SLC33A1: variants seen among roughly 807,000 people sequenced by gnomAD.
SLC33A1 encodes the protein solute carrier family 33 member 1, also known as acetyl-coenzyme A transporter 1.
In SLC33A1, 20 loss-of-function variants were observed where a neutral mutation model predicts 50.0. The ratio of observed to expected loss-of-function variants is 0.40; its 90% CI spans 0.28 to 0.58. The LOEUF is 0.58. Among genes scored for constraint, SLC33A1 ranks in the 20% least tolerant of loss-of-function variants. The probability of loss-of-function intolerance (pLI) is 0.44; values close to 1 mark genes in which losing one functional copy is unlikely to be tolerated. For missense variants in SLC33A1, 476 were observed against 657.0 expected, an observed-to-expected ratio of 0.72 and a Z score of 3.01; for synonymous variants, 265 against 251.8, an observed-to-expected ratio of 1.05 and a Z score of -0.50.
rs1752181583 is a variant in SLC33A1, at chr3:155,825,706, T to A, written c.*2504A>T. On this transcript the variant is annotated 3_prime_UTR_variant, in exon 6 of 6. Coordinates refer to ENST00000643144, the MANE Select transcript of SLC33A1 (RefSeq NM_004733.4). ...CTGACATAGAGAGAAAAATGTTCAATCTAATATTAGCCAGTAAACATATGA... is the reference window on the plus strand; with the variant it reads ...CTGACATAGAGAGAAAAATGTTCAAACTAATATTAGCCAGTAAACATATGA... 1 of 152,184 alleles carries A rather than the reference T, an allele frequency of 6.6e-6. No individual in the cohort carries two copies. The highest frequency in any genetic ancestry group is 2.4e-5 in the African/African-American group (1 of 41,448). 9.4% of individuals were successfully genotyped at this position (152,184 alleles called of 1,614,324 possible). A position where few individuals can be genotyped will look rare whatever the true frequency, so the allele number is the denominator to read the frequency against.
chr3:155,842,759 A>C, intron 1 of SLC33A1, 140 bp from the exon 2 acceptor site: 1 of 511,122 alleles, frequency 2.0e-6, no homozygotes, highest in Non-Finnish European at 3.3e-6. Flanking sequence ...CTGTAATCCT[A>C]GCACTTTGGG....
rs886058104 is a variant in SLC33A1, at chr3:155,827,341, C to T, written c.*869G>A. The T allele has an allele frequency of 7.9e-5, 12 of 151,824 alleles. No homozygotes were observed. In the East Asian group the frequency reaches 2.1e-3, roughly 27 times the overall value. The allele number at this position is 151,824 out of a possible 1,614,324, so 9.4% of individuals were successfully genotyped here. A position where few individuals can be genotyped will look rare whatever the true frequency, so the allele number is the denominator to read the frequency against. On this transcript the variant is annotated 3_prime_UTR_variant, in exon 6 of 6. Coordinates refer to ENST00000643144, the MANE Select transcript of SLC33A1 (RefSeq NM_004733.4). ...TAAAAAAAAACTACTTGAAGAAAAA[C>T]ATTTAATTTTTATTTTCAAAATGTT...
At chr3:155,835,038 C>G (rs73159037) in intron 2 of SLC33A1, among the ~76,000 whole-genome samples, 20,574 of 152,048 alleles carry the variant, frequency 0.14, 1,791 homozygotes, top group Non-Finnish European at 0.18. Context: ...TGGATATGGA[C>G]TATAATTAGA....
chr3:155,837,754 T>C (rs572921247), intron 2 of SLC33A1, among the ~76,000 whole-genome samples: 2 of 152,150 alleles, frequency 1.3e-5, no homozygotes, highest in African/African-American at 2.4e-5. Flanking sequence ...AAAGAACATA[T>C]GCATCAAACA....
At chr3:155,831,517 T>TA (rs1752435746) in intron 4 of SLC33A1, among the ~76,000 whole-genome samples, 1 of 131,778 alleles carries the variant, frequency 7.6e-6, no homozygotes, top group Non-Finnish European at 1.6e-5. Flanking sequence ...ATTAAGGCAC[T>TA]ACTTACAGAA....
chr3:155,833,459 C>T lies in SLC33A1; in HGVS notation c.1266+9G>A. On this transcript the variant is annotated intron_variant, in intron 4 of 5. Transcript: ENST00000643144. ...AGTTTATTTCCTGAGAAAACCACTG[C>T]AAGCTTACCTGATGTAAAGCATAAC... 7.8e-7 allele frequency: 1 copy of T among 1,286,614 alleles called. No individual in the cohort carries two copies. Among genetic ancestry groups the T allele is most frequent in the Non-Finnish European group, 1.1e-6 (1 of 881,080 alleles). The allele number at this position is 1,286,614 out of a possible 1,614,324, so 79.7% of individuals were successfully genotyped here. A position where few individuals can be genotyped will look rare whatever the true frequency, so the allele number is the denominator to read the frequency against.
intron 4 of SLC33A1, 144 bp from the exon 5 acceptor site, chr3:155,830,047 T>G: frequency 1.5e-6 from 1 of 650,132 alleles, no homozygotes; most frequent in South Asian, 1.8e-5. Context: ...ATCAAGCACC[T>G]ACTATAGGCC....
chr3:155,838,548 G>A (rs1752795191), intron 2 of SLC33A1, among the ~76,000 whole-genome samples: 1 of 151,756 alleles, frequency 6.6e-6, no homozygotes, highest in African/African-American at 2.4e-5. Flanking sequence ...GGGTGTGGTG[G>A]TGCACACCTG....
rs766276756 is a variant in SLC33A1, at chr3:155,853,460, T to C, written c.538A>G (p.Thr180Ala). Reference protein sequence around the residue: ...DDRTPDVIALTVAFFLFEFLA... With the variant: ...DDRTPDVIALAVAFFLFEFLA... ...AATTCAAACAAAAAGAACGCCACAG[T>C]GAGAGCAATCACGTCGGGTGTTCTG... is the stretch of plus-strand genomic sequence containing the variant. Residue 180 changes from threonine (T) to alanine (A), a missense_variant, in exon 1 of 6, where the codon ACT becomes GCT. Transcript: ENST00000643144. The C allele has an allele frequency of 2.5e-6, 4 of 1,613,966 alleles. No individual in the cohort carries two copies. Among genetic ancestry groups the C allele is most frequent in the Non-Finnish European group, 3.4e-6 (4 of 1,180,018 alleles).
intron 2 of SLC33A1, 34 bp from the exon 3 acceptor site, chr3:155,834,075 G>T: frequency 7.6e-6 from 12 of 1,570,530 alleles, no homozygotes; most frequent in Non-Finnish European, 1.1e-5. Context: ...ATTTTAATTC[G>T]TGACTTATGA....
chr3:155,834,114 C>A, intron 2 of SLC33A1, 73 bp from the exon 3 acceptor site: 1 of 1,135,092 alleles, frequency 8.8e-7, no homozygotes, highest in South Asian at 1.3e-5. Context: ...TATGTAAGTT[C>A]TTCAAGAACC....
rs1371052745 is a variant in SLC33A1, at chr3:155,853,288, G to A, written c.710C>T (p.Ser237Phe). Residue 237 changes from serine (S) to phenylalanine (F), a missense_variant, in exon 1 of 6, where the codon TCT becomes TTT. Ser to Phe is a radical substitution (Grantham distance 155). Transcript: ENST00000643144. Reference protein sequence around the residue: ...LGNVLFLALESADFCNKYLRF... With the variant: ...LGNVLFLALEFADFCNKYLRF... The stretch of plus-strand genomic sequence containing the variant: ...CAAATATTTGTTACAAAAGTCGGCA[G>A]ATTCAAGGGCCAAAAACAAAACATT... 1 of 1,614,070 alleles carries A rather than the reference G, an allele frequency of 6.2e-7. No homozygotes were observed.
intron 2 of SLC33A1, among the ~76,000 whole-genome samples, chr3:155,840,191 G>A (rs1220565328): frequency 3.3e-5 from 5 of 151,148 alleles, no homozygotes; most frequent in South Asian, 2.1e-4. Context: ...GGGTTCCAGC[G>A]ATTCTCCTGC....
In SLC33A1 at chr3:155,825,397, C is replaced by G. The variant is rs1338925723; in HGVS notation, c.*2813G>C. On this transcript the variant is annotated 3_prime_UTR_variant, in exon 6 of 6. Transcript: ENST00000643144. ...TCTTGAACTCTTGACCTCAAGTGAT[C>G]CTCCTGCCTTGGCCTCCTAAAGTGT... 2.0e-5 allele frequency: 3 copies of G among 151,902 alleles called. No homozygotes were observed. Among genetic ancestry groups the G allele is most frequent in the African/African-American group, 7.3e-5 (3 of 41,332 alleles). The allele number at this position is 151,902 out of a possible 1,614,324, so 9.4% of individuals were successfully genotyped here.
At chr3:155,841,701 AT>A (rs1458524942) in intron 2 of SLC33A1, among the ~76,000 whole-genome samples, 2 of 151,938 alleles carry the variant, frequency 1.3e-5, no homozygotes, top group Non-Finnish European at 1.5e-5. Context: ...TTTTTAAAAA[AT>A]TGACTTCTAA....
intron 2 of SLC33A1, among the ~76,000 whole-genome samples, chr3:155,835,654 TAA>T (rs1390652698): frequency 6.6e-6 from 1 of 152,090 alleles, no homozygotes; most frequent in Non-Finnish European, 1.5e-5. Flanking sequence ...GCCTGCATGA[TAA>T]AAAATTAGGG....
rs1752189678 is a variant in SLC33A1 at position 155,826,120 on chromosome 3, C to T, written c.*2090G>A. On this transcript the variant is annotated 3_prime_UTR_variant, in exon 6 of 6. Coordinates refer to ENST00000643144, the MANE Select transcript of SLC33A1 (RefSeq NM_004733.4). ...TATGTTTGAAGGCTGGGCGCAGTGG[C>T]TCATGCCTGTAATCCCAGCACTTTG... is the stretch of plus-strand genomic sequence containing the variant. The T allele has an allele frequency of 1.3e-5, 2 of 152,232 alleles. No individual in the cohort carries two copies. Among genetic ancestry groups the T allele is most frequent in the African/African-American group, 4.8e-5 (2 of 41,460 alleles). 9.4% of individuals were successfully genotyped at this position (152,232 alleles called of 1,614,324 possible). A position where few individuals can be genotyped will look rare whatever the true frequency, so the allele number is the denominator to read the frequency against.
intron 4 of SLC33A1, among the ~76,000 whole-genome samples, chr3:155,831,659 T>C (rs1198764919): frequency 6.6e-6 from 1 of 152,046 alleles, no homozygotes; most frequent in Admixed American, 6.6e-5. Flanking sequence ...GCTAAATAAA[T>C]ACTTTTTTTG....
At chr3:155,833,398 A>G in intron 4 of SLC33A1, 70 bp downstream of exon 4, 1 of 811,070 alleles carries the variant, frequency 1.2e-6, no homozygotes, top group Non-Finnish European at 2.2e-6. Context: ...TTTTAAGACA[A>G]CTGTAGAAAG....
Sources: gnomAD v4.1 joint callset for allele counts (sites outside exome capture counted in the v4.1 genomes callset) on GRCh38, gnomAD v4.1.1 for gene constraint, MANE v1.5 for transcripts, NCBI Gene and HGNC (gene_info 2026-07-23, HGNC 2026-07-21) for gene names.